The following RHBDF1 variants were observed in gnomAD, a reference collection of about 807,000 sequenced individuals.
RHBDF1 encodes the protein inactive rhomboid protein 1.
In RHBDF1, 80 loss-of-function variants were observed where a neutral mutation model predicts 98.6. The ratio of observed to expected loss-of-function variants is 0.81; its 90% CI spans 0.68 to 0.98. RHBDF1 has a LOEUF of 0.98. Ranked by LOEUF, RHBDF1 falls within the 50% of genes least tolerant of loss-of-function variation. RHBDF1 has a pLI of 0.00. For missense variants in RHBDF1, 1,116 were observed against 1,198.3 expected (o/e 0.93, Z 1.01); for synonymous variants, 512 against 486.8 (o/e 1.05, Z -0.68).
intron 1 of RHBDF1, among the ~76,000 whole-genome samples, chr16:67,675 A>G (rs1322972407): frequency 1.3e-5 from 2 of 152,210 alleles, no homozygotes; most frequent in African/African-American, 4.8e-5. Flanking sequence ...TGGGCACAGC[A>G]CAAGGCAGGA....
chr16:69,802 G>A (rs1897923456), intron 1 of RHBDF1, among the ~76,000 whole-genome samples: 1 of 152,184 alleles, frequency 6.6e-6, no homozygotes, highest in African/African-American at 2.4e-5. Flanking sequence ...AGCAGGGCAG[G>A]CCTGAGACCT....
intron 3 of RHBDF1, chr16:64,220 G>A (rs1205533304): frequency 2.3e-6 from 3 of 1,316,570 alleles, no homozygotes; most frequent in East Asian, 9.9e-5. Flanking sequence ...AACACTGCCA[G>A]CACCTGCCGT....
At position 64,150 on chromosome 16, in the gene RHBDF1, A is replaced by G. The variant is rs1394340561; in HGVS notation, c.249-350T>C. ...TTGGCCCCAGGACACCACAGAGCTC[A>G]GACAGCAGGTGCTTACGGGCCCAGG... is the stretch of plus-strand genomic sequence containing the variant. On this transcript the variant is annotated intron_variant, in intron 3 of 17. Transcript: ENST00000262316. The G allele has an allele frequency of 3.6e-6, 3 of 834,974 alleles. No homozygotes were observed. In the African/African-American group the frequency reaches 5.2e-5, roughly 14 times the overall value. The allele number at this position is 834,974 out of a possible 1,614,324, so 51.7% of individuals were successfully genotyped here.
At chr16:71,604 T>C (rs1320448574) in intron 1 of RHBDF1, among the ~76,000 whole-genome samples, 1 of 152,246 alleles carries the variant, frequency 6.6e-6, no homozygotes, top group Middle Eastern at 3.4e-3. Context: ...GTTCCCAGGA[T>C]AGGAGAAGGG....
At chr16:59,557 G>T in intron 14 of RHBDF1, 63 bp from the exon 15 acceptor site, 1 of 1,557,522 alleles carries the variant, frequency 6.4e-7, no homozygotes, top group Non-Finnish European at 8.8e-7. Flanking sequence ...TGGCATCCAG[G>T]GCGAGTTTCA....
chr16:62,794 T>G lies in RHBDF1; in HGVS notation c.776A>C (p.Asp259Ala). 6.2e-7 allele frequency: 1 copy of G among 1,614,032 alleles called. No individual in the cohort carries two copies. Residue 259 changes from aspartate (D) to alanine (A), a missense_variant, in exon 6 of 18, where the codon GAC becomes GCC. By Grantham distance (126) the Asp-to-Ala change is moderately radical. Coordinates refer to ENST00000262316, the MANE Select transcript of RHBDF1 (RefSeq NM_022450.5). ...EDTTDFPDEL[D>A]TSFFAREGIL... Reference sequence around the variant, plus strand: ...TCTTACCCGGGCAAAGAAGGATGTGTCCAGCTCATCGGGGAAATCAGTTGT... The same window carrying G: ...TCTTACCCGGGCAAAGAAGGATGTGGCCAGCTCATCGGGGAAATCAGTTGT...
At chr16:65,617 A>G (rs1031717675) in intron 1 of RHBDF1, among the ~76,000 whole-genome samples, 10 of 152,086 alleles carry the variant, frequency 6.6e-5, no homozygotes, top group African/African-American at 2.2e-4. Context: ...GCCCAGGGCA[A>G]ATCTCACACC....
chr16:73,317 GC>G (rs1898026052), upstream of RHBDF1, among the ~76,000 whole-genome samples: 2 of 151,714 alleles, frequency 1.3e-5, no homozygotes, highest in Non-Finnish European at 2.9e-5. Flanking sequence ...ACCCCCAGAA[GC>G]CCCGCTCCAC....
chr16:72,459 G>A, intron 1 of RHBDF1, 54 bp downstream of exon 1: 1 of 890,854 alleles, frequency 1.1e-6, no homozygotes, highest in Non-Finnish European at 1.3e-6. Context: ...TCCGGACGCA[G>A]CCCCGGAACC....
chr16:62,325 A>C, intron 7 of RHBDF1: 1 of 752,306 alleles, frequency 1.3e-6, no homozygotes, highest in African/African-American at 1.8e-5. Context: ...CCTGGGTTCT[A>C]AGATTGCTGT....
chr16:75,910 C>T (rs1898078480), upstream of RHBDF1, among the ~76,000 whole-genome samples: 1 of 152,154 alleles, frequency 6.6e-6, no homozygotes. Flanking sequence ...AGCCAGTGTG[C>T]TGGGCACCCT....
In RHBDF1 at chr16:72,436, A is replaced by T. The variant is rs1203168770; in HGVS notation, c.-25+77T>A. Reference sequence around the variant, plus strand: ...GCAGCTCCGGCCCCGGGTGCTGAGGACTCGCCCCGCCCTCCGGACGCAGCC... The same window carrying T: ...GCAGCTCCGGCCCCGGGTGCTGAGGTCTCGCCCCGCCCTCCGGACGCAGCC... On this transcript the variant is annotated intron_variant, in intron 1 of 17. Transcript: ENST00000262316. The T allele has an allele frequency of 1.3e-5, 8 of 601,620 alleles. No homozygotes were observed. The African/African-American group carries it at 5.1e-4, about 39-fold the overall frequency. The allele number at this position is 601,620 out of a possible 1,614,324, so 37.3% of individuals were successfully genotyped here.
rs1321875683 is a variant in RHBDF1 at position 61,579 on chromosome 16, G to A, written c.1320+6C>T. 3.7e-6 allele frequency: 6 copies of A among 1,612,742 alleles called. No homozygotes were observed. The highest frequency in any genetic ancestry group is 5.1e-6 in the Non-Finnish European group (6 of 1,179,514). ...GTCTGGGCCCAGGGAAGGCACAGGGGCTCACCGAGTCCACCGTCTCATGCT... is the reference window on the plus strand; with the variant it reads ...GTCTGGGCCCAGGGAAGGCACAGGGACTCACCGAGTCCACCGTCTCATGCT... On this transcript the variant is annotated splice_donor_region_variant and intron_variant, in intron 9 of 17. Coordinates refer to ENST00000262316, the MANE Select transcript of RHBDF1 (RefSeq NM_022450.5).
chr16:59,359 G>T lies in RHBDF1; in HGVS notation c.1894-10C>A, dbSNP rs753219263. 1 of 1,612,328 alleles carries T rather than the reference G, an allele frequency of 6.2e-7. No homozygotes were observed. Among genetic ancestry groups the T allele is most frequent in the Non-Finnish European group, 8.5e-7 (1 of 1,178,980 alleles). ...CATCCATGCAGTGCACCTGCGCAGA[G>T]CAGCATATCAGCATCACAGTAGCTG... On this transcript the variant is annotated splice_polypyrimidine_tract_variant and intron_variant, in intron 15 of 17. Transcript: ENST00000262316.
chr16:59,660 A>T, intron 14 of RHBDF1, 72 bp downstream of exon 14: 1 of 1,563,612 alleles, frequency 6.4e-7, no homozygotes, highest in Non-Finnish European at 8.7e-7. Context: ...GGATTTGGTT[A>T]GGGAGAAGGC....
rs114792259 is a variant in RHBDF1 at position 60,642 on chromosome 16, C to T, written c.1558-103G>A. On this transcript the variant is annotated intron_variant, in intron 11 of 17. Coordinates refer to ENST00000262316, the MANE Select transcript of RHBDF1 (RefSeq NM_022450.5). ...CAAAACCACTGAGCTCTTCCCTCCG[C>T]TTCTACAAGTCACCCCCACTCTTGA... 2.0e-3 allele frequency: 1,534 copies of T among 752,992 alleles called. 17 individuals carry two copies. The African/African-American group carries it at 0.023, about 11-fold the overall frequency. 46.6% of individuals were successfully genotyped at this position (752,992 alleles called of 1,614,324 possible).
chr16:64,859 G>A, intron 2 of RHBDF1, 30 bp from the exon 3 acceptor site: 1 of 1,614,048 alleles, frequency 6.2e-7, no homozygotes, highest in Non-Finnish European at 8.5e-7. Flanking sequence ...TGAGGGTACT[G>A]GACAGGGGGC....
upstream of RHBDF1, among the ~76,000 whole-genome samples, chr16:73,322 G>C (rs970311001): frequency 6.6e-6 from 1 of 150,568 alleles, no homozygotes; most frequent in African/African-American, 2.4e-5. Context: ...CAGAAGCCCC[G>C]CTCCACCAGC....
intron 1 of RHBDF1, among the ~76,000 whole-genome samples, chr16:69,791 G>A (rs910110562): frequency 6.6e-6 from 1 of 152,168 alleles, no homozygotes; most frequent in Non-Finnish European, 1.5e-5. Flanking sequence ...GTTCAGGGTG[G>A]AGCAGGGCAG....
Sources: allele counts gnomAD v4.1 joint callset (sites outside exome capture counted in the v4.1 genomes callset), GRCh38; gene constraint gnomAD v4.1.1; transcripts MANE v1.5; gene names NCBI Gene and HGNC (gene_info 2026-07-23, HGNC 2026-07-21).